BAZ1B: variants seen among roughly 807,000 people sequenced by gnomAD.
The protein encoded by BAZ1B is bromodomain adjacent to zinc finger domain 1B, also known as tyrosine-protein kinase BAZ1B.
Under a neutral mutation model 153.8 loss-of-function variants are expected in BAZ1B, and 22 were observed. That is an observed-to-expected ratio of 0.14 (90% CI 0.10 to 0.20). The LOEUF (loss-of-function observed/expected upper bound fraction) is 0.20, where lower values mean the gene tolerates loss of function less well. Among genes scored for constraint, BAZ1B ranks in the 10% least tolerant of loss-of-function variants. The pLI, the probability that BAZ1B is intolerant of heterozygous loss-of-function variation, is 1.00. For synonymous variants in BAZ1B, 676 were observed against 633.4 expected, an observed-to-expected ratio of 1.07 and a Z score of -1.01; for missense variants, 1,325 against 1,799.3, an observed-to-expected ratio of 0.74 and a Z score of 4.77.
chr7:73,460,192 GAAAAAAAAA>G (rs782211272), intron 12 of BAZ1B, among the ~76,000 whole-genome samples: 2 of 73,872 alleles, frequency 2.7e-5, no homozygotes, highest in South Asian at 5.2e-4. Flanking sequence ...CCGTCTCAGG[GAAAAAAAAA>G]AAAAAAAAAA....
chr7:73,482,958 G>A (rs1789258800), intron 6 of BAZ1B, among the ~76,000 whole-genome samples: 1 of 152,136 alleles, frequency 6.6e-6, no homozygotes, highest in African/African-American at 2.4e-5. Context: ...TGGACTCAGG[G>A]GGATCTGAAA....
chr7:73,465,646 C>T (rs1788555971), intron 10 of BAZ1B, 109 bp from the exon 11 acceptor site: 2 of 621,806 alleles, frequency 3.2e-6, no homozygotes, highest in Admixed American at 6.0e-5. Context: ...GAACAGAATT[C>T]CAAATGTGTT....
In BAZ1B at chr7:73,447,366, C is replaced by G; in HGVS notation, c.3742G>C (p.Glu1248Gln). ...TCTTCACTGTCCTCAGAAGCAGACT[C>G]TTCAGTATAGTTCCTGTGGGTAGAA... ...RNSRGRNYTE[E>Q]SASEDSEDDE... The change falls in exon 16 of 20, where the codon GAG becomes CAG. Residue 1248 changes from glutamate to glutamine, a missense_variant. Physicochemically the swap from Glu to Gln is conservative, Grantham distance 29. Around this residue, in one of 9 missense-constraint regions of BAZ1B, gnomAD observed 271 missense variants for 337.2 expected, o/e 0.80. Coordinates refer to ENST00000339594, the MANE Select transcript of BAZ1B (RefSeq NM_032408.4). The G allele has an allele frequency of 6.2e-7, 1 of 1,613,610 alleles. No homozygotes were observed. The highest frequency in any genetic ancestry group is 2.2e-5 in the East Asian group (1 of 44,884).
intron 6 of BAZ1B, among the ~76,000 whole-genome samples, chr7:73,481,586 A>G (rs193084477): frequency 1.3e-5 from 2 of 151,990 alleles, no homozygotes; most frequent in Admixed American, 1.3e-4. Context: ...AACCATGGCT[A>G]CACGCAGAGG....
At chr7:73,456,057 A>G (rs563319057) in intron 13 of BAZ1B, among the ~76,000 whole-genome samples, 1 of 152,342 alleles carries the variant, frequency 6.6e-6, no homozygotes, top group African/African-American at 2.4e-5. Context: ...TTACAATAAT[A>G]AAGCATGCTA....
In BAZ1B at chr7:73,442,363, T is replaced by TGCA; in HGVS notation, c.4282_4284dup (p.Cys1428dup). ...ACTAGACACTGTTCTGTCTTCACCATGCAGCTTAGCACATGGCTGCCACGG... is the reference window on the plus strand; with the variant it reads ...ACTAGACACTGTTCTGTCTTCACCATGCAGCAGCTTAGCACATGGCTGCCACGG... On this transcript the variant is annotated inframe_insertion, in exon 19 of 20. Coordinates refer to ENST00000339594, the MANE Select transcript of BAZ1B (RefSeq NM_032408.4). 1 of 1,614,250 alleles carries TGCA rather than the reference T, an allele frequency of 6.2e-7. No individual in the cohort carries two copies. Among genetic ancestry groups the TGCA allele is most frequent in the Non-Finnish European group, 8.5e-7 (1 of 1,180,048 alleles).
At chr7:73,497,065 C>CAAAAAAAAAAA (rs1156829240) in intron 4 of BAZ1B, among the ~76,000 whole-genome samples, 37 of 49,494 alleles carry the variant, frequency 7.5e-4, no homozygotes, top group South Asian at 2.0e-3. Context: ...CTGACCTCTA[C>CAAAAAAAAAAA]AAAAAAAAAA....
rs1322060693 is a variant in BAZ1B at position 73,440,914 on chromosome 7, A to C, written c.*795T>G. 3 of 152,662 alleles carry C rather than the reference A, an allele frequency of 2.0e-5. No individual in the cohort carries two copies. The highest frequency in any genetic ancestry group is 2.1e-4 in the South Asian group (1 of 4,832). The allele number at this position is 152,662 out of a possible 1,614,324, so 9.5% of individuals were successfully genotyped here. The stretch of plus-strand genomic sequence containing the variant: ...CAAAATCCATCATAAAAGGGAAAGA[A>C]GACTACAAAGTTTTGCCTAAATATA... On this transcript the variant is annotated 3_prime_UTR_variant, in exon 20 of 20. Coordinates refer to ENST00000339594, the MANE Select transcript of BAZ1B (RefSeq NM_032408.4).
chr7:73,507,600 C>A (rs545158003), intron 3 of BAZ1B, among the ~76,000 whole-genome samples: 1 of 152,208 alleles, frequency 6.6e-6, no homozygotes, highest in East Asian at 1.9e-4. Context: ...GACAAAATAA[C>A]AGAATTATCA....
At chr7:73,511,291 T>G (rs1268176984) in intron 1 of BAZ1B, among the ~76,000 whole-genome samples, 2 of 150,638 alleles carry the variant, frequency 1.3e-5, no homozygotes, top group Admixed American at 6.6e-5. Context: ...TAAAAAAAAA[T>G]GAAAAAAATG....
intron 2 of BAZ1B, among the ~76,000 whole-genome samples, chr7:73,510,485 G>A (rs540012338): frequency 6.6e-6 from 1 of 152,170 alleles, no homozygotes; most frequent in African/African-American, 2.4e-5. Flanking sequence ...CAAGGTCAAA[G>A]TATGGAGCAG....
At chr7:73,476,789 C>T in intron 7 of BAZ1B, 79 bp downstream of exon 7, 2 of 1,518,912 alleles carry the variant, frequency 1.3e-6, no homozygotes, top group Non-Finnish European at 1.8e-6. Context: ...AAACAGAGAC[C>T]CTACCATTAC....
Position 73,477,347 on chromosome 7 carries a change from C to T in BAZ1B, c.2114G>A (p.Ser705Asn). Residue 705 changes from serine (S) to asparagine (N), a missense_variant, in exon 7 of 20, where the codon AGC becomes AAC. This residue lies in a region of BAZ1B where 431 missense variants were observed against 563.5 expected (regional missense o/e 0.76). Coordinates refer to ENST00000339594, the MANE Select transcript of BAZ1B (RefSeq NM_032408.4). This position sits in a 1 kb window ranked among gnomAD's most constrained non-coding sequence, Gnocchi z 5.6. The part of the protein sequence containing the change: ...CLRRSDVQEE[S>N]EGSDTDDNKD... The stretch of plus-strand genomic sequence containing the variant: ...ATTGTCATCTGTGTCTGAGCCCTCG[C>T]TTTCCTCCTGAACATCAGATCTGCG... 2 of 1,614,254 alleles carry T rather than the reference C, an allele frequency of 1.2e-6. No homozygotes were observed. Among genetic ancestry groups the T allele is most frequent in the East Asian group, 2.2e-5 (1 of 44,888 alleles).
chr7:73,505,581 G>A (rs1449478339), intron 3 of BAZ1B, among the ~76,000 whole-genome samples: 2 of 151,428 alleles, frequency 1.3e-5, no homozygotes, highest in African/African-American at 4.9e-5. Flanking sequence ...ATGGGCTGAA[G>A]AACAGTTCAA....
intron 10 of BAZ1B, 59 bp downstream of exon 10, chr7:73,466,237 T>G: frequency 7.9e-7 from 1 of 1,271,066 alleles, no homozygotes; most frequent in Non-Finnish European, 1.1e-6. Flanking sequence ...TACTAAATAC[T>G]TTCTTCCTTA....
intron 17 of BAZ1B, among the ~76,000 whole-genome samples, chr7:73,443,041 G>T (rs1787687763): frequency 6.6e-6 from 1 of 152,164 alleles, no homozygotes; most frequent in African/African-American, 2.4e-5. Context: ...GCCTCCCCCG[G>T]GGCCACGGCA....
Position 73,521,831 on chromosome 7 carries a change from G to A in BAZ1B, c.103C>T (p.Arg35Trp). 1.3e-6 allele frequency: 2 copies of A among 1,497,986 alleles called. No homozygotes were observed. Among genetic ancestry groups the A allele is most frequent in the Non-Finnish European group, 1.8e-6 (2 of 1,118,674 alleles). 92.8% of individuals were successfully genotyped at this position (1,497,986 alleles called of 1,614,324 possible). ...IPHTQEAFRT[R>W]EEYEARLERY... Reference sequence around the variant, plus strand: ...CGCGCGGCTGGAAAAGGATACTCCCGGGTGCGGAAGGCCTCCTGAGTGTGC... The same window carrying A: ...CGCGCGGCTGGAAAAGGATACTCCCAGGTGCGGAAGGCCTCCTGAGTGTGC... The change falls in exon 1 of 20, where the codon CGG becomes TGG. Residue 35 changes from arginine (R) to tryptophan (W), a missense_variant. Physicochemically the swap from Arg to Trp is moderately radical, Grantham distance 101 (BLOSUM62 -3). This residue lies in a region of BAZ1B where 61 missense variants were observed against 61.5 expected (regional missense o/e 0.99). Transcript: ENST00000339594.
At chr7:73,469,130 C>G (rs1189818921) in intron 9 of BAZ1B, among the ~76,000 whole-genome samples, 5 of 76,326 alleles carry the variant, frequency 6.6e-5, no homozygotes, top group Admixed American at 1.5e-4. Context: ...AATTCCGTCT[C>G]AAAAAAAAAA....
intron 11 of BAZ1B, chr7:73,464,215 T>C (rs937522345): frequency 7.3e-6 from 7 of 955,340 alleles, no homozygotes; most frequent in East Asian, 1.2e-4. Flanking sequence ...AACCGTGAAA[T>C]TGAGCACAGA....
Sources: allele counts gnomAD v4.1 joint callset (sites outside exome capture counted in the v4.1 genomes callset), GRCh38; gene constraint gnomAD v4.1.1; regional missense constraint gnomAD v4.1.1; non-coding constraint Gnocchi (gnomAD v3.1); transcripts MANE v1.5; gene names NCBI Gene and HGNC (gene_info 2026-07-23, HGNC 2026-07-21).